C12orf60: variants seen among roughly 807,000 people sequenced by gnomAD.
C12orf60 encodes chromosome 12 open reading frame 60.
For synonymous variants in C12orf60, 102 were observed against 94.6 expected (o/e 1.08, Z -0.45); for missense variants, 284 against 283.2 (o/e 1.00, Z -0.02).
chr12:14,809,811 T>C (rs1020445483), intron 1 of C12orf60, among the ~76,000 whole-genome samples: 3 of 152,176 alleles, frequency 2.0e-5, no homozygotes, highest in Non-Finnish European at 4.4e-5. Flanking sequence ...AGTATTGTTA[T>C]TATTTTCAAA....
Position 14,823,266 on chromosome 12 carries a change from G to C in C12orf60, c.331G>C (p.Ala111Pro), listed in dbSNP as rs141330162. 5 of 1,613,954 alleles carry C rather than the reference G, an allele frequency of 3.1e-6. No homozygotes were observed. Among genetic ancestry groups the C allele is most frequent in the Non-Finnish European group, 4.2e-6 (5 of 1,180,006 alleles). The part of the protein sequence containing the change: ...STNVEELHQS[A>P]KEVFKSAHTP... ...CAATGTAGAGGAGTTGCATCAGTCA[G>C]CTAAAGAAGTATTCAAAAGTGCCCA... Residue 111 changes from alanine to proline, a missense_variant, in exon 2 of 2, where the codon GCT becomes CCT. Ala to Pro is a conservative substitution (Grantham distance 27). Coordinates refer to ENST00000330828, the MANE Select transcript of C12orf60 (RefSeq NM_175874.4).
intron 1 of C12orf60, chr12:14,806,179 G>C: frequency 6.2e-7 from 1 of 1,614,142 alleles, no homozygotes; most frequent in East Asian, 2.2e-5. Context: ...CCAAGGCCAA[G>C]AACAGCAACT....
At chr12:14,822,491 T>C (rs1046609615) in intron 1 of C12orf60, among the ~76,000 whole-genome samples, 2 of 152,170 alleles carry the variant, frequency 1.3e-5, no homozygotes, top group African/African-American at 4.8e-5. Context: ...GTCCAGGATT[T>C]TTAGTTGTAA....
chr12:14,817,836 G>A (rs761232333), intron 1 of C12orf60, among the ~76,000 whole-genome samples: 49 of 152,024 alleles, frequency 3.2e-4, no homozygotes, highest in Non-Finnish European at 5.9e-5. Context: ...AATCCTTTGG[G>A]TATATACCCA....
chr12:14,810,384 T>C (rs1950117844), intron 1 of C12orf60, among the ~76,000 whole-genome samples: 1 of 152,182 alleles, frequency 6.6e-6, no homozygotes, highest in Non-Finnish European at 1.5e-5. Context: ...TTGAAGAGCT[T>C]AGCGAAGAAG....
intron 1 of C12orf60, chr12:14,805,796 C>T (rs1565677948): frequency 1.8e-6 from 1 of 568,542 alleles, no homozygotes. Context: ...TTTTACCTCA[C>T]AGGGTCTAGC....
intron 1 of C12orf60, chr12:14,805,263 C>T (rs1293916788): frequency 6.6e-6 from 1 of 152,156 alleles, no homozygotes; most frequent in Non-Finnish European, 1.5e-5. Context: ...GTTTTGCTTT[C>T]TTGTCTTCTA....
At chr12:14,820,280 A>T (rs1950285589) in intron 1 of C12orf60, among the ~76,000 whole-genome samples, 1 of 151,730 alleles carries the variant, frequency 6.6e-6, no homozygotes, top group Non-Finnish European at 1.5e-5. Flanking sequence ...CTTAAAGTTT[A>T]TTGGTTTTTC....
intron 1 of C12orf60, among the ~76,000 whole-genome samples, chr12:14,809,279 C>G (rs565443906): frequency 6.6e-6 from 1 of 152,294 alleles, no homozygotes; most frequent in African/African-American, 2.4e-5. Flanking sequence ...GTGGTCGGCT[C>G]CTTTTCAATT....
chr12:14,805,775 G>A (rs1376643835), intron 1 of C12orf60: 4 of 516,426 alleles, frequency 7.7e-6, no homozygotes, highest in Non-Finnish European at 1.4e-5. Context: ...AAACATCCAG[G>A]GAGAAAATTT....
chr12:14,818,912 A>G (rs1421056628), intron 1 of C12orf60, among the ~76,000 whole-genome samples: 1 of 152,190 alleles, frequency 6.6e-6, no homozygotes, highest in Non-Finnish European at 1.5e-5. Flanking sequence ...TCTTAATATT[A>G]GATTGTGTGA....
intron 1 of C12orf60, among the ~76,000 whole-genome samples, chr12:14,815,673 G>T (rs761969681): frequency 3.9e-5 from 6 of 152,112 alleles, no homozygotes; most frequent in Non-Finnish European, 7.3e-5. Context: ...TGATTAGTAG[G>T]TATGGACAAT....
At chr12:14,807,649 T>C (rs746055387) in intron 1 of C12orf60, among the ~76,000 whole-genome samples, 1 of 152,192 alleles carries the variant, frequency 6.6e-6, no homozygotes, top group African/African-American at 2.4e-5. Flanking sequence ...TTTTTTCTTG[T>C]GATAAGAGTA....
At chr12:14,806,604 A>G in intron 1 of C12orf60, 1 of 1,614,148 alleles carries the variant, frequency 6.2e-7, no homozygotes, top group Non-Finnish European at 8.5e-7. Context: ...TAAGCAATCA[A>G]GAAGCTGCTG....
chr12:14,818,781 C>T (rs1361811581), intron 1 of C12orf60, among the ~76,000 whole-genome samples: 3 of 152,060 alleles, frequency 2.0e-5, no homozygotes, highest in African/African-American at 7.2e-5. Context: ...GACTCTGTCT[C>T]AAAACAACAA....
At position 14,823,211 on chromosome 12, in the gene C12orf60, G is replaced by T. The variant is rs762892734; in HGVS notation, c.276G>T (p.Met92Ile). 3 of 1,614,004 alleles carry T rather than the reference G, an allele frequency of 1.9e-6. No individual in the cohort carries two copies. Among genetic ancestry groups the T allele is most frequent in the Admixed American group, 3.3e-5 (2 of 59,990 alleles). The change falls in exon 2 of 2, where the codon ATG becomes ATT. Residue 92 changes from methionine (M) to isoleucine (I), a missense_variant. Coordinates refer to ENST00000330828, the MANE Select transcript of C12orf60 (RefSeq NM_175874.4). ...AGTCTTTATGTTCCAAGGTTGCAAT[G>T]GCCATGTGCTCTGTGGTTCAGAAGA... Reference protein sequence around the residue: ...QKESLCSKVAMAMCSVVQKST... With the variant: ...QKESLCSKVAIAMCSVVQKST...
chr12:14,814,541 C>T (rs1175712084), intron 1 of C12orf60, among the ~76,000 whole-genome samples: 1 of 152,136 alleles, frequency 6.6e-6, no homozygotes, highest in Admixed American at 6.5e-5. Context: ...TACTAAGTTT[C>T]TTTTAGCTTC....
At position 14,824,219 on chromosome 12, in the gene C12orf60, G is replaced by A. The variant is rs1420614500; in HGVS notation, c.*546G>A. 1.3e-5 allele frequency: 2 copies of A among 152,284 alleles called. No homozygotes were observed. The highest frequency in any genetic ancestry group is 2.4e-5 in the African/African-American group (1 of 41,448). 9.4% of individuals were successfully genotyped at this position (152,284 alleles called of 1,614,324 possible). ...GCAATAATAGACTTTTCTTGCTTAT[G>A]TGAGTAAGACCAGAACAGATAGTTC... On this transcript the variant is annotated 3_prime_UTR_variant, in exon 2 of 2. Transcript: ENST00000330828.
At chr12:14,813,915 T>C (rs1196723754) in intron 1 of C12orf60, among the ~76,000 whole-genome samples, 1 of 152,212 alleles carries the variant, frequency 6.6e-6, no homozygotes, top group Non-Finnish European at 1.5e-5. Context: ...GTTAATTTTC[T>C]TCCTTCTCTG....
Sources: allele counts gnomAD v4.1 joint callset (sites outside exome capture counted in the v4.1 genomes callset), GRCh38; gene constraint gnomAD v4.1.1; transcripts MANE v1.5; gene names NCBI Gene and HGNC (gene_info 2026-07-23, HGNC 2026-07-21).